PRKCA: variants seen among roughly 807,000 people sequenced by gnomAD.
PRKCA encodes the protein protein kinase C alpha, also known as protein kinase C alpha type.
PRKCA carries 27 observed loss-of-function variants against 87.0 expected under a neutral mutation model. The observed-to-expected ratio is 0.31, with a 90% CI of 0.23 to 0.43. The LOEUF (loss-of-function observed/expected upper bound fraction) is 0.43, where lower values mean the gene tolerates loss of function less well. Ranked by LOEUF, PRKCA falls within the 20% of genes least tolerant of loss-of-function variation. The pLI, the probability that PRKCA is intolerant of heterozygous loss-of-function variation, is 1.00. For synonymous variants in PRKCA, 329 were observed against 311.1 expected (o/e 1.06, Z -0.61); for missense variants, 518 against 852.3 (o/e 0.61, Z 4.88).
intron 3 of PRKCA, among the ~76,000 whole-genome samples, chr17:66,546,341 G>A (rs1038744707): frequency 2.0e-4 from 30 of 152,146 alleles, no homozygotes; most frequent in African/African-American, 7.2e-4. Flanking sequence ...TTCTAAGGCT[G>A]CCATAACAGA....
At chr17:66,452,381 A>G (rs1370675452) in intron 2 of PRKCA, among the ~76,000 whole-genome samples, 6 of 152,218 alleles carry the variant, frequency 3.9e-5, no homozygotes. Flanking sequence ...GGAAAGGATC[A>G]TCTGTTTTTG....
At chr17:66,519,138 G>A (rs1423814942) in intron 3 of PRKCA, among the ~76,000 whole-genome samples, 1 of 152,092 alleles carries the variant, frequency 6.6e-6, no homozygotes. Flanking sequence ...CCTGGTTTGG[G>A]GCCGTCCGTT....
At chr17:66,784,033 G>A (rs1441185288) in intron 14 of PRKCA, among the ~76,000 whole-genome samples, 4 of 152,218 alleles carry the variant, frequency 2.6e-5, no homozygotes, top group Non-Finnish European at 5.9e-5. Context: ...AGGGACTCCC[G>A]TTTTCATTTT....
At chr17:66,516,691 G>T (rs536214887) in intron 3 of PRKCA, among the ~76,000 whole-genome samples, 5 of 152,248 alleles carry the variant, frequency 3.3e-5, no homozygotes, top group South Asian at 2.1e-4. Flanking sequence ...AGGAAGAAGG[G>T]TGGACTCACC....
chr17:66,774,548 G>C, intron 14 of PRKCA: 1 of 825,966 alleles, frequency 1.2e-6, no homozygotes, highest in South Asian at 5.1e-5. Flanking sequence ...TTAAGCCTGA[G>C]AGGCGGAGGC....
At chr17:66,771,725 A>G (rs1974938382) in intron 13 of PRKCA, among the ~76,000 whole-genome samples, 1 of 152,050 alleles carries the variant, frequency 6.6e-6, no homozygotes, top group Non-Finnish European at 1.5e-5. Context: ...CCTCCCAAGT[A>G]GCTGGGACTA....
chr17:66,350,683 T>G (rs939191638), intron 2 of PRKCA, among the ~76,000 whole-genome samples: 2 of 152,018 alleles, frequency 1.3e-5, no homozygotes, highest in African/African-American at 4.8e-5. Flanking sequence ...CAACCACACC[T>G]GGCTAATTTT....
chr17:66,629,285 T>A (rs542296634), intron 3 of PRKCA, among the ~76,000 whole-genome samples: 2 of 152,244 alleles, frequency 1.3e-5, no homozygotes, highest in South Asian at 4.1e-4. Flanking sequence ...AAATCAGCCC[T>A]CTTGCAAATA....
chr17:66,643,263 C>T (rs1374434632), intron 4 of PRKCA, among the ~76,000 whole-genome samples: 1 of 152,170 alleles, frequency 6.6e-6, no homozygotes, highest in Non-Finnish European at 1.5e-5. Flanking sequence ...ACTGAAGAGT[C>T]AGCTGGGATG....
chr17:66,444,995 TTGCTC>T (rs371923293), intron 2 of PRKCA, among the ~76,000 whole-genome samples: 6 of 152,068 alleles, frequency 3.9e-5, no homozygotes, highest in African/African-American at 1.4e-4. Flanking sequence ...TATGGGCCCT[TTGCTC>T]TGCTAAACAC....
chr17:66,772,345 G>C (rs1974951754), intron 13 of PRKCA, among the ~76,000 whole-genome samples: 2 of 152,146 alleles, frequency 1.3e-5, no homozygotes, highest in Admixed American at 1.3e-4. Flanking sequence ...ATCTAATCTT[G>C]TTTACCCTTG....
chr17:66,794,270 A>T (rs1202680809), intron 16 of PRKCA, among the ~76,000 whole-genome samples: 4 of 152,170 alleles, frequency 2.6e-5, no homozygotes, highest in African/African-American at 7.2e-5. Context: ...TTTCTTCAGG[A>T]CATTGTCTCC....
chr17:66,501,551 GC>G (rs1249152614), intron 3 of PRKCA, among the ~76,000 whole-genome samples: 1 of 152,228 alleles, frequency 6.6e-6, no homozygotes, highest in African/African-American at 2.4e-5. Context: ...AGGCTTGGAT[GC>G]TGAAGTATGT....
chr17:66,489,979 C>A (rs770807567), intron 2 of PRKCA, among the ~76,000 whole-genome samples: 1 of 151,992 alleles, frequency 6.6e-6, no homozygotes, highest in Non-Finnish European at 1.5e-5. Context: ...CAGGGTTTCA[C>A]CATGTTGGCC....
intron 2 of PRKCA, among the ~76,000 whole-genome samples, chr17:66,422,091 A>C (rs1484070423): frequency 6.6e-6 from 1 of 151,976 alleles, no homozygotes; most frequent in Non-Finnish European, 1.5e-5. Context: ...CTTGTTTGTC[A>C]TAATCTCTTC....
chr17:66,370,610 G>A (rs1909050118), intron 2 of PRKCA, among the ~76,000 whole-genome samples: 1 of 144,600 alleles, frequency 6.9e-6, no homozygotes, highest in Non-Finnish European at 1.5e-5. Context: ...GCGTGTAGTG[G>A]TGTGATCATA....
chr17:66,441,746 T>G (rs1195152910), intron 2 of PRKCA, among the ~76,000 whole-genome samples: 1 of 152,202 alleles, frequency 6.6e-6, no homozygotes, highest in Non-Finnish European at 1.5e-5. Flanking sequence ...ATACTTTTTT[T>G]TTCAGGTGAA....
chr17:66,564,001 T>C (rs1031205585), intron 3 of PRKCA, among the ~76,000 whole-genome samples: 104 of 124,698 alleles, frequency 8.3e-4, no homozygotes, highest in African/African-American at 3.1e-3. Context: ...CTTCCTTCCT[T>C]CCTCCTTTCT....
intron 2 of PRKCA, among the ~76,000 whole-genome samples, chr17:66,446,551 A>G (rs1441452667): frequency 6.6e-6 from 1 of 152,184 alleles, no homozygotes; most frequent in African/African-American, 2.4e-5. Context: ...CTAAATTTAG[A>G]CAGAACCCCA....
Sources: gnomAD v4.1 joint callset for allele counts (sites outside exome capture counted in the v4.1 genomes callset) on GRCh38, gnomAD v4.1.1 for gene constraint, MANE v1.5 for transcripts, NCBI Gene and HGNC (gene_info 2026-07-23, HGNC 2026-07-21) for gene names.